Variants in NPR3 observed in about 807,000 individuals in gnomAD.
NPR3 encodes atrial natriuretic peptide receptor 3.
In NPR3, 34 loss-of-function variants were observed where a neutral mutation model predicts 54.5. That is an observed-to-expected ratio of 0.62 (90% CI 0.47 to 0.83). The LOEUF (loss-of-function observed/expected upper bound fraction) is 0.83, where lower values mean the gene tolerates loss of function less well. Ranked by LOEUF, NPR3 falls within the 40% of genes least tolerant of loss-of-function variation. The pLI is 0.00. For missense variants in NPR3, 674 were observed against 720.8 expected (o/e 0.94, Z 0.74); for synonymous variants, 289 against 297.1 (o/e 0.97, Z 0.28).
intron 7 of NPR3, among the ~76,000 whole-genome samples, chr5:32,785,139 T>C (rs1226567002): frequency 6.8e-5 from 2 of 29,482 alleles, no homozygotes; most frequent in African/African-American, 2.8e-4. Context: ...TGATCACAGA[T>C]TTTTTTTTTT....
At chr5:32,727,902 A>C (rs1739219538) in intron 2 of NPR3, among the ~76,000 whole-genome samples, 1 of 152,196 alleles carries the variant, frequency 6.6e-6, no homozygotes, top group South Asian at 2.1e-4. Context: ...GATACTTTAA[A>C]TTTTGACTTC....
At position 32,788,692 on chromosome 5, in the gene NPR3, G is replaced by C. The variant is rs2112087219; in HGVS notation, c.*2347G>C. 1 of 152,286 alleles carries C rather than the reference G, an allele frequency of 6.6e-6. No individual in the cohort carries two copies. Among genetic ancestry groups the C allele is most frequent in the South Asian group, 2.1e-4 (1 of 4,828 alleles). 9.4% of individuals were successfully genotyped at this position (152,286 alleles called of 1,614,324 possible). A position where few individuals can be genotyped will look rare whatever the true frequency, so the allele number is the denominator to read the frequency against. ...TATTTTAACTTCAGGTAGAGGAATA[G>C]TCCTAAACTTAATATGATAGCTCTA... is the stretch of plus-strand genomic sequence containing the variant. On this transcript the variant is annotated 3_prime_UTR_variant, in exon 8 of 8. Transcript: ENST00000265074.
At chr5:32,759,622 T>C (rs999138690) in intron 3 of NPR3, among the ~76,000 whole-genome samples, 14 of 152,248 alleles carry the variant, frequency 9.2e-5, no homozygotes, top group Admixed American at 4.6e-4. Context: ...TTAGTATAGT[T>C]ATGTGTGAAT....
At chr5:32,722,956 C>A (rs1181125040) in intron 1 of NPR3, among the ~76,000 whole-genome samples, 2 of 152,142 alleles carry the variant, frequency 1.3e-5, no homozygotes, top group East Asian at 3.8e-4. Context: ...TTCTCTAGAG[C>A]TTTTATGCTG....
intron 1 of NPR3, among the ~76,000 whole-genome samples, chr5:32,699,650 T>G (rs1475038615): frequency 6.6e-6 from 1 of 152,278 alleles, no homozygotes; most frequent in Non-Finnish European, 1.5e-5. Context: ...TGTGTATGTC[T>G]TGAAAAGTTG....
chr5:32,752,494 C>T (rs971168901), intron 3 of NPR3, among the ~76,000 whole-genome samples: 1 of 152,152 alleles, frequency 6.6e-6, no homozygotes, highest in African/African-American at 2.4e-5. Context: ...GACTGCAAGG[C>T]TGGGCTCTTC....
intron 3 of NPR3, among the ~76,000 whole-genome samples, chr5:32,750,550 A>T (rs1740524854): frequency 1.3e-5 from 2 of 152,218 alleles, no homozygotes; most frequent in African/African-American, 4.8e-5. Context: ...ATCTGTGTTT[A>T]TATGGCTGTG....
intron 3 of NPR3, among the ~76,000 whole-genome samples, chr5:32,750,523 T>G (rs746700621): frequency 6.6e-6 from 1 of 152,158 alleles, no homozygotes; most frequent in Non-Finnish European, 1.5e-5. Flanking sequence ...TTCATTTTGG[T>G]GGGGATTTTA....
chr5:32,729,240 C>G (rs201684297), intron 2 of NPR3, among the ~76,000 whole-genome samples: 1 of 151,540 alleles, frequency 6.6e-6, no homozygotes, highest in East Asian at 2.0e-4. Context: ...CGTTTTAGCC[C>G]GGATGGTCTC....
At chr5:32,701,055 T>A (rs534283730) in intron 1 of NPR3, among the ~76,000 whole-genome samples, 1 of 152,290 alleles carries the variant, frequency 6.6e-6, no homozygotes, top group South Asian at 2.1e-4. Context: ...CTCTCCAGCA[T>A]CTGTTATTTC....
chr5:32,731,362 G>T (rs954889521), intron 2 of NPR3, among the ~76,000 whole-genome samples: 9 of 152,158 alleles, frequency 5.9e-5, no homozygotes, highest in Admixed American at 5.9e-4. Context: ...GAGAGGCTCT[G>T]CCATGAACTA....
At chr5:32,705,707 G>T (rs1737967595), upstream of NPR3, among the ~76,000 whole-genome samples, 1 of 152,000 alleles carries the variant, frequency 6.6e-6, no homozygotes, top group South Asian at 2.1e-4. Flanking sequence ...TTCAAATATT[G>T]GGGATTACAA....
intron 2 of NPR3, among the ~76,000 whole-genome samples, chr5:32,729,030 G>T (rs6875524): frequency 0.14 from 8,109 of 57,798 alleles, 331 homozygotes; most frequent in African/African-American, 0.18. Context: ...TTTTTTTTTT[G>T]TTTTGTTTTT....
chr5:32,717,571 A>T (rs1006006099), intron 1 of NPR3, among the ~76,000 whole-genome samples: 4 of 152,122 alleles, frequency 2.6e-5, no homozygotes, highest in Admixed American at 2.6e-4. Flanking sequence ...ATGGTATCTC[A>T]TTGTGTTTTT....
chr5:32,712,389 A>T lies in NPR3; in HGVS notation c.613A>T (p.Ser205Cys), dbSNP rs985528533. ...HHWSRAALVY[S>C]DDKLERNCYF... ...CTGGAGCCGCGCTGCACTGGTCTAC[A>T]GCGACGACAAGCTGGAGCGGAACTG... is the stretch of plus-strand genomic sequence containing the variant. Residue 205 changes from serine to cysteine, a missense_variant, in exon 1 of 8, where the codon AGC becomes TGC. By Grantham distance (112) the Ser-to-Cys change is moderately radical (BLOSUM62 -1). Coordinates refer to ENST00000265074, the MANE Select transcript of NPR3 (RefSeq NM_001204375.2). 2.5e-6 allele frequency: 4 copies of T among 1,613,390 alleles called. No individual in the cohort carries two copies. Among genetic ancestry groups the T allele is most frequent in the Non-Finnish European group, 3.4e-6 (4 of 1,179,608 alleles).
chr5:32,709,353 T>C (rs1738092561), upstream of NPR3: 1 of 151,942 alleles, frequency 6.6e-6, no homozygotes, highest in African/African-American at 2.4e-5. Flanking sequence ...AGTTTCGAAA[T>C]CCATTAAGAC....
At chr5:32,696,268 T>C (rs572087880) in intron 1 of NPR3, among the ~76,000 whole-genome samples, 1 of 152,330 alleles carries the variant, frequency 6.6e-6, no homozygotes, top group Non-Finnish European at 1.5e-5. Flanking sequence ...CTTTCCCTAA[T>C]GGATGTTCTT....
chr5:32,751,772 G>C (rs937850085), intron 3 of NPR3, among the ~76,000 whole-genome samples: 2 of 152,150 alleles, frequency 1.3e-5, no homozygotes, highest in Non-Finnish European at 2.9e-5. Flanking sequence ...TCTAGCCAAG[G>C]TGTTTGAAAG....
intron 1 of NPR3, among the ~76,000 whole-genome samples, chr5:32,717,298 T>C (rs1473780366): frequency 6.6e-6 from 1 of 152,188 alleles, no homozygotes; most frequent in Admixed American, 6.5e-5. Flanking sequence ...TTGTGAATAG[T>C]GCCGCAATAA....
Sources: gnomAD v4.1 joint callset for allele counts (sites outside exome capture counted in the v4.1 genomes callset) on GRCh38, gnomAD v4.1.1 for gene constraint, MANE v1.5 for transcripts, NCBI Gene and HGNC (gene_info 2026-07-23, HGNC 2026-07-21) for gene names.